Variants in MME observed in about 807,000 individuals in gnomAD.
MME encodes membrane metalloendopeptidase, also known as neprilysin.
Under a neutral mutation model 113.2 loss-of-function variants are expected in MME, and 98 were observed. That is an observed-to-expected ratio of 0.87 (90% CI 0.74 to 1.02). MME has a LOEUF of 1.02. Among genes scored for constraint, MME ranks in the 50% least tolerant of loss-of-function variants. The pLI is 0.00. For synonymous variants in MME, 292 were observed against 300.6 expected (o/e 0.97, Z 0.30); for missense variants, 836 against 896.0 (o/e 0.93, Z 0.86).
chr3:155,108,851 A>G (rs541842728), intron 3 of MME, among the ~76,000 whole-genome samples: 1 of 152,180 alleles, frequency 6.6e-6, no homozygotes, highest in African/African-American at 2.4e-5. Context: ...CCAAAATCCT[A>G]TTTTCAGTTA....
intron 3 of MME, among the ~76,000 whole-genome samples, chr3:155,089,307 G>A (rs372352259): frequency 2.0e-4 from 31 of 152,272 alleles, no homozygotes; most frequent in African/African-American, 6.5e-4. Flanking sequence ...TCTGAATCCT[G>A]AAACTGATTT....
intron 3 of MME, among the ~76,000 whole-genome samples, chr3:155,106,718 T>C (rs1198386945): frequency 6.6e-6 from 1 of 152,178 alleles, no homozygotes; most frequent in Non-Finnish European, 1.5e-5. Context: ...TTTTAGAATG[T>C]TGTCAAAAGA....
intron 3 of MME, chr3:155,085,545 A>G (rs1159651512): frequency 6.6e-6 from 1 of 152,568 alleles, no homozygotes; most frequent in Non-Finnish European, 1.5e-5. Context: ...TATTTTTTAT[A>G]TTTTGAGACA....
intron 1 of MME, among the ~76,000 whole-genome samples, chr3:155,048,419 G>T (rs1392628275): frequency 6.6e-6 from 1 of 152,106 alleles, no homozygotes; most frequent in African/African-American, 2.4e-5. Context: ...CAGAATTTTT[G>T]TTTGTTGTTC....
At chr3:155,100,522 T>A (rs1717119124) in intron 3 of MME, among the ~76,000 whole-genome samples, 1 of 152,206 alleles carries the variant, frequency 6.6e-6, no homozygotes, top group Admixed American at 6.5e-5. Context: ...ATTTTAATAA[T>A]GTTTGAGTGA....
intron 3 of MME, 39 bp downstream of exon 3, chr3:155,085,133 ATGTATAATATT>A (rs1715560245): frequency 1.6e-6 from 2 of 1,274,622 alleles, no homozygotes; most frequent in African/African-American, 1.5e-5. Flanking sequence ...TATACAACTG[ATGTATAATATT>A]TAAAATTAAA....
intron 22 of MME, among the ~76,000 whole-genome samples, chr3:155,178,547 A>G (rs1712785702): frequency 6.6e-6 from 1 of 152,114 alleles, no homozygotes; most frequent in East Asian, 1.9e-4. Flanking sequence ...TAATTCATTC[A>G]GTATGTACTG....
intron 22 of MME, among the ~76,000 whole-genome samples, chr3:155,173,571 T>C (rs1053604979): frequency 1.4e-5 from 2 of 145,846 alleles, no homozygotes; most frequent in African/African-American, 5.3e-5. Flanking sequence ...GTATCATCGT[T>C]GTCATCATCA....
At chr3:155,052,471 T>C (rs1281527383) in intron 1 of MME, among the ~76,000 whole-genome samples, 2 of 152,274 alleles carry the variant, frequency 1.3e-5, no homozygotes, top group East Asian at 3.8e-4. Context: ...CCTTGTCTTT[T>C]GTGCACCTGC....
intron 1 of MME, among the ~76,000 whole-genome samples, chr3:155,071,979 G>A (rs1714577953): frequency 6.6e-6 from 1 of 151,746 alleles, no homozygotes; most frequent in African/African-American, 2.4e-5. Flanking sequence ...GGCTAACAAG[G>A]TGAAACCCCG....
chr3:155,085,753 A>G (rs1715646836), intron 3 of MME: 1 of 151,872 alleles, frequency 6.6e-6, no homozygotes, highest in African/African-American at 2.4e-5. Flanking sequence ...CTGGTTTCGA[A>G]CTCCTGCCCT....
At chr3:155,127,615 C>G (rs1001071524) in intron 8 of MME, among the ~76,000 whole-genome samples, 8 of 152,126 alleles carry the variant, frequency 5.3e-5, no homozygotes, top group Non-Finnish European at 8.8e-5. Context: ...GTACATATAC[C>G]AATGTCATTT....
intron 17 of MME, among the ~76,000 whole-genome samples, chr3:155,166,445 T>C (rs1723101581): frequency 6.6e-6 from 1 of 152,210 alleles, no homozygotes; most frequent in Admixed American, 6.5e-5. Context: ...ATGGATACAA[T>C]TTCTGCAATA....
chr3:155,037,996 T>C (rs988507799), intron 1 of MME, among the ~76,000 whole-genome samples: 12 of 152,074 alleles, frequency 7.9e-5, no homozygotes, highest in Middle Eastern at 3.2e-3. Context: ...GTATGTGTAA[T>C]GAAACAGATA....
chr3:155,182,050 C>T lies in MME; in HGVS notation c.*1591C>T, dbSNP rs200612152. 5.9e-4 allele frequency: 90 copies of T among 152,274 alleles called. No individual in the cohort carries two copies. The highest frequency in any genetic ancestry group is 2.0e-3 in the African/African-American group (84 of 41,570). 9.4% of individuals were successfully genotyped at this position (152,274 alleles called of 1,614,324 possible). On this transcript the variant is annotated 3_prime_UTR_variant, in exon 23 of 23. Transcript: ENST00000360490. ...AGCACCTGTAAGAAACAGAGCAGTA[C>T]CAGCGCTCTAAAAGCACCTCCTTGT...
At chr3:155,148,517 A>C (rs569686477) in intron 15 of MME, 33 bp from the exon 16 acceptor site, 1 of 1,435,140 alleles carries the variant, frequency 7.0e-7, no homozygotes, top group East Asian at 2.3e-5. Flanking sequence ...TACCGGTTTT[A>C]ATATTTCTTC....
chr3:155,160,933 G>A (rs1722672641), intron 17 of MME, among the ~76,000 whole-genome samples: 1 of 151,868 alleles, frequency 6.6e-6, no homozygotes, highest in African/African-American at 2.4e-5. Context: ...AGGCTCCAAG[G>A]GGTTTAGAAA....
chr3:155,168,400 A>G (rs1711558060), intron 18 of MME, 92 bp from the exon 19 acceptor site: 2 of 1,079,582 alleles, frequency 1.9e-6, no homozygotes, highest in Admixed American at 2.0e-5. Context: ...TCTGTCACAC[A>G]GCAGTATTTC....
chr3:155,026,941 T>A (rs1325684386), intron 1 of MME, among the ~76,000 whole-genome samples: 1 of 152,206 alleles, frequency 6.6e-6, no homozygotes, highest in Non-Finnish European at 1.5e-5. Context: ...CTTTATTCTG[T>A]CTATCTACTC....
Sources: gnomAD v4.1 joint callset for allele counts (sites outside exome capture counted in the v4.1 genomes callset) on GRCh38, gnomAD v4.1.1 for gene constraint, MANE v1.5 for transcripts, NCBI Gene and HGNC (gene_info 2026-07-23, HGNC 2026-07-21) for gene names.